ESR2: variants seen among roughly 807,000 people sequenced by gnomAD.
ESR2 encodes the protein estrogen receptor beta.
Under a neutral mutation model 49.6 loss-of-function variants are expected in ESR2, and 36 were observed. The observed-to-expected ratio is 0.73, with a 90% CI of 0.56 to 0.96. The LOEUF is 0.96. ESR2 is among the 40% of genes least tolerant of loss of function. The pLI, the probability that ESR2 is intolerant of heterozygous loss-of-function variation, is 0.00. For synonymous variants in ESR2, 320 were observed against 266.1 expected, an observed-to-expected ratio of 1.20 and a Z score of -1.97; for missense variants, 714 against 693.0, an observed-to-expected ratio of 1.03 and a Z score of -0.34.
chr14:64,277,803 T>C (rs888509679), intron 3 of ESR2, among the ~76,000 whole-genome samples: 2 of 152,138 alleles, frequency 1.3e-5, no homozygotes, highest in Non-Finnish European at 2.9e-5. Flanking sequence ...ACTGTACAAC[T>C]GTAACAGCTT....
chr14:64,263,055 T>G (rs2140738639), intron 4 of ESR2, among the ~76,000 whole-genome samples: 1 of 152,242 alleles, frequency 6.6e-6, no homozygotes, highest in East Asian at 1.9e-4. Flanking sequence ...AATAAGATGA[T>G]AGAAATGAAC....
At chr14:64,287,168 CAAAACT>C (rs2076797925) in intron 1 of ESR2, among the ~76,000 whole-genome samples, 1 of 152,040 alleles carries the variant, frequency 6.6e-6, no homozygotes, top group Non-Finnish European at 1.5e-5. Context: ...TTTCATCTTG[CAAAACT>C]AAAACTCTCT....
intron 3 of ESR2, among the ~76,000 whole-genome samples, chr14:64,279,588 G>A (rs2076624248): frequency 6.6e-6 from 1 of 152,142 alleles, no homozygotes; most frequent in Non-Finnish European, 1.5e-5. Context: ...TTCTTCCTCA[G>A]GAGCCAGCCC....
chr14:64,317,027 G>T (rs994891750), intron 1 of ESR2, among the ~76,000 whole-genome samples: 3 of 152,080 alleles, frequency 2.0e-5, no homozygotes, highest in African/African-American at 7.2e-5. Flanking sequence ...CACTTTGGGA[G>T]GCCAAGGCAG....
chr14:64,247,561 G>A (rs1182018027), intron 7 of ESR2, among the ~76,000 whole-genome samples: 1 of 152,126 alleles, frequency 6.6e-6, no homozygotes, highest in African/African-American at 2.4e-5. Flanking sequence ...CTCTAAGATT[G>A]GATAAATAAG....
At chr14:64,312,511 G>A (rs1348989118) in intron 1 of ESR2, among the ~76,000 whole-genome samples, 1 of 152,180 alleles carries the variant, frequency 6.6e-6, no homozygotes, top group African/African-American at 2.4e-5. Flanking sequence ...AAGAAAGGTG[G>A]CTTGCCAGTC....
At chr14:64,298,046 G>A (rs982000798), upstream of ESR2, among the ~76,000 whole-genome samples, 3 of 152,130 alleles carry the variant, frequency 2.0e-5, no homozygotes, top group Non-Finnish European at 2.9e-5. Flanking sequence ...GAATGAAAAA[G>A]ATAGGATTAC....
intron 1 of ESR2, among the ~76,000 whole-genome samples, chr14:64,325,971 T>C (rs2077384666): frequency 6.7e-6 from 1 of 148,164 alleles, no homozygotes; most frequent in African/African-American, 2.6e-5. Context: ...AGTCAACAAT[T>C]ATACACAGAT....
At chr14:64,283,147 A>C in intron 1 of ESR2, 72 bp from the exon 2 acceptor site, 1 of 595,928 alleles carries the variant, frequency 1.7e-6, no homozygotes. Context: ...AAATATTTTC[A>C]TTAAAAAAAT....
At chr14:64,227,941 A>G (rs768623267), downstream of ESR2, 6 of 1,594,954 alleles carry the variant, frequency 3.8e-6, no homozygotes, top group South Asian at 4.5e-5. Context: ...TGTAAAGGAT[A>G]TAATTCTAAT....
At chr14:64,335,775 T>C (rs2077521817) in intron 1 of ESR2, 1 of 151,250 alleles carries the variant, frequency 6.6e-6, no homozygotes. Flanking sequence ...TTTACAAATG[T>C]AAACAATGCT....
At chr14:64,333,363 A>G (rs1265605375) in intron 1 of ESR2, among the ~76,000 whole-genome samples, 1 of 152,206 alleles carries the variant, frequency 6.6e-6, no homozygotes, top group Non-Finnish European at 1.5e-5. Flanking sequence ...GGTTAAAGAT[A>G]CAATATGTTC....
chr14:64,251,849 AT>A (rs1332949644), intron 6 of ESR2, among the ~76,000 whole-genome samples: 1 of 152,258 alleles, frequency 6.6e-6, no homozygotes, highest in African/African-American at 2.4e-5. Flanking sequence ...TGAAGAGGCA[AT>A]AAAGTATAAG....
chr14:64,313,148 C>T (rs1324374719), intron 1 of ESR2, among the ~76,000 whole-genome samples: 1 of 151,986 alleles, frequency 6.6e-6, no homozygotes, highest in Non-Finnish European at 1.5e-5. Flanking sequence ...TATATAATAA[C>T]AAAAGGATCA....
chr14:64,267,029 T>C (rs1425774770), intron 4 of ESR2, among the ~76,000 whole-genome samples: 4 of 152,092 alleles, frequency 2.6e-5, no homozygotes, highest in Admixed American at 6.6e-5. Flanking sequence ...TACAGGCACA[T>C]GCCACCACGC....
intron 1 of ESR2, among the ~76,000 whole-genome samples, chr14:64,331,798 G>A (rs111820467): frequency 0.043 from 6,271 of 146,272 alleles, 292 homozygotes; most frequent in African/African-American, 0.11. Context: ...ACTCCAGCCC[G>A]GGCAACAGAG....
At chr14:64,294,546 T>C (rs1302079130), upstream of ESR2, 2 of 151,806 alleles carry the variant, frequency 1.3e-5, no homozygotes, top group Non-Finnish European at 1.5e-5. Flanking sequence ...CCCACAAGGA[T>C]AGTGGCGCAC....
intron 7 of ESR2, among the ~76,000 whole-genome samples, chr14:64,244,839 G>C (rs1029716377): frequency 6.6e-6 from 1 of 152,038 alleles, no homozygotes; most frequent in African/African-American, 2.4e-5. Flanking sequence ...CATCCTATTG[G>C]TTCTGTTTCT....
intron 1 of ESR2, among the ~76,000 whole-genome samples, chr14:64,310,282 C>CAAAAAAAAAAAAAAAAAAA (rs35325527): frequency 1.8e-5 from 2 of 109,134 alleles, no homozygotes; most frequent in African/African-American, 9.0e-5. Context: ...GACGTCGTCT[C>CAAAAAAAAAAAAAAAAAAA]AAAAAATAAT....
Sources: gnomAD v4.1 joint callset for allele counts (sites outside exome capture counted in the v4.1 genomes callset) on GRCh38, gnomAD v4.1.1 for gene constraint, MANE v1.5 for transcripts, NCBI Gene and HGNC (gene_info 2026-07-23, HGNC 2026-07-21) for gene names.